Variants in DNAJC5B observed in about 807,000 individuals in gnomAD.
The protein encoded by DNAJC5B is dnaJ homolog subfamily C member 5B.
In DNAJC5B, 23 loss-of-function variants were observed where a neutral mutation model predicts 24.7. The observed-to-expected ratio is 0.93, with a 90% confidence interval of 0.67 to 1.32. The LOEUF is 1.32. Among genes scored for constraint, DNAJC5B ranks in the 40% most tolerant of loss-of-function variants. DNAJC5B has a pLI of 0.00. For synonymous variants in DNAJC5B, 101 were observed against 90.1 expected, an observed-to-expected ratio of 1.12 and a Z score of -0.68; for missense variants, 238 against 240.8, an observed-to-expected ratio of 0.99 and a Z score of 0.08.
chr8:66,090,813 A>T (rs1273141208), intron 5 of DNAJC5B, among the ~76,000 whole-genome samples: 1 of 152,110 alleles, frequency 6.6e-6, no homozygotes, highest in African/African-American at 2.4e-5. Context: ...CCTTTTTGCC[A>T]CTCACCACTC....
intron 3 of DNAJC5B, among the ~76,000 whole-genome samples, chr8:66,062,599 G>T (rs757460082): frequency 1.3e-5 from 2 of 152,176 alleles, no homozygotes; most frequent in African/African-American, 2.4e-5. Flanking sequence ...GGGTGCAAGA[G>T]CCTAACAAAA....
upstream of DNAJC5B, among the ~76,000 whole-genome samples, chr8:66,017,653 A>G (rs994767142): frequency 1.3e-5 from 2 of 152,294 alleles, no homozygotes; most frequent in African/African-American, 4.8e-5. Flanking sequence ...TGCCTTACCT[A>G]TTTTGTAGGT....
intron 5 of DNAJC5B, among the ~76,000 whole-genome samples, chr8:66,095,764 C>A (rs1807939974): frequency 1.3e-5 from 2 of 150,760 alleles, no homozygotes; most frequent in African/African-American, 2.4e-5. Flanking sequence ...ATGATTTTTT[C>A]TTTAAGCTAG....
chr8:66,065,820 G>A (rs76589119), intron 3 of DNAJC5B, among the ~76,000 whole-genome samples: 4,531 of 152,258 alleles, frequency 0.03, 85 homozygotes, highest in Non-Finnish European at 0.045. Flanking sequence ...AGAGGAGGGT[G>A]AGGGAACTTC....
chr8:66,053,565 C>T (rs2128960151), intron 3 of DNAJC5B, among the ~76,000 whole-genome samples: 1 of 149,718 alleles, frequency 6.7e-6, no homozygotes, highest in East Asian at 2.0e-4. Context: ...TCCTTCTAGT[C>T]TTTTTTTTTC....
At chr8:66,048,913 A>G (rs964169560) in intron 2 of DNAJC5B, among the ~76,000 whole-genome samples, 8 of 152,166 alleles carry the variant, frequency 5.3e-5, no homozygotes, top group African/African-American at 1.9e-4. Flanking sequence ...TGTGCCAAGC[A>G]CAAAGCGAGG....
intron 5 of DNAJC5B, among the ~76,000 whole-genome samples, chr8:66,083,213 G>A (rs1375908439): frequency 4.6e-5 from 7 of 151,608 alleles, no homozygotes; most frequent in East Asian, 1.9e-4. Flanking sequence ...GGGTTTCACC[G>A]TATTAGCCAG....
chr8:66,031,814 CTGATTCAAA>C (rs1170247376), intron 1 of DNAJC5B, among the ~76,000 whole-genome samples: 13 of 152,330 alleles, frequency 8.5e-5, no homozygotes, highest in East Asian at 7.7e-4. Flanking sequence ...ACTCAGTCAA[CTGATTCAAA>C]TGATTCAAAT....
In DNAJC5B at chr8:66,100,197, A is replaced by G. The variant is rs1483511482; in HGVS notation, c.*166A>G. ...GCTATATAATTTTCTCAGTATGCAG[A>G]CTTTCTCTCTGAGTAGAATTTCTTA... On this transcript the variant is annotated 3_prime_UTR_variant, in exon 6 of 6. Transcript: ENST00000276570. 4 of 572,456 alleles carry G rather than the reference A, an allele frequency of 7.0e-6. No individual in the cohort carries two copies. The highest frequency in any genetic ancestry group is 2.9e-5 in the East Asian group (1 of 34,422). 35.5% of individuals were successfully genotyped at this position (572,456 alleles called of 1,614,324 possible).
intron 5 of DNAJC5B, among the ~76,000 whole-genome samples, chr8:66,092,589 T>A (rs1401290637): frequency 1.3e-5 from 2 of 152,170 alleles, no homozygotes; most frequent in Non-Finnish European, 2.9e-5. Context: ...AAAAGAATGT[T>A]ACCATCACCT....
intron 2 of DNAJC5B, among the ~76,000 whole-genome samples, chr8:66,044,238 T>C (rs796752876): frequency 2.0e-5 from 3 of 152,278 alleles, no homozygotes; most frequent in African/African-American, 7.2e-5. Flanking sequence ...CTTATGGGAA[T>C]TTTGCTCCAC....
intron 1 of DNAJC5B, among the ~76,000 whole-genome samples, chr8:66,032,792 G>A (rs141237231): frequency 1.3e-5 from 2 of 152,270 alleles, no homozygotes; most frequent in African/African-American, 4.8e-5. Flanking sequence ...ATACATTGCT[G>A]TTCCTCATTT....
At chr8:66,043,821 C>CTT (rs11449089) in intron 2 of DNAJC5B, among the ~76,000 whole-genome samples, 5,088 of 130,588 alleles carry the variant, frequency 0.039, 394 homozygotes, top group African/African-American at 0.15. Flanking sequence ...TGAAAAGAAC[C>CTT]TTTTTTTTTT....
At chr8:66,098,975 G>GTC (rs889378643) in intron 5 of DNAJC5B, among the ~76,000 whole-genome samples, 3 of 149,904 alleles carry the variant, frequency 2.0e-5, no homozygotes, top group African/African-American at 7.4e-5. Flanking sequence ...TGTAATCTCT[G>GTC]TCTCTCTGTC....
intron 3 of DNAJC5B, among the ~76,000 whole-genome samples, chr8:66,067,242 A>C (rs1807241177): frequency 6.7e-6 from 1 of 148,698 alleles, no homozygotes; most frequent in South Asian, 2.2e-4. Context: ...TTGCGAGTAA[A>C]GAATTACTGC....
chr8:66,077,353 A>G (rs1321484788), intron 4 of DNAJC5B, among the ~76,000 whole-genome samples: 1 of 152,120 alleles, frequency 6.6e-6, no homozygotes, highest in Non-Finnish European at 1.5e-5. Context: ...TAGGGGGAAA[A>G]GGTGAGAATT....
At chr8:66,033,568 G>A (rs1418476714) in intron 1 of DNAJC5B, among the ~76,000 whole-genome samples, 1 of 152,132 alleles carries the variant, frequency 6.6e-6, no homozygotes, top group Non-Finnish European at 1.5e-5. Context: ...GCTTCCATGG[G>A]ATGATGTTTC....
intron 5 of DNAJC5B, among the ~76,000 whole-genome samples, chr8:66,086,029 C>A (rs1807716921): frequency 6.6e-6 from 1 of 152,102 alleles, no homozygotes; most frequent in Non-Finnish European, 1.5e-5. Flanking sequence ...AAATGGGTAC[C>A]TAAGTATTTC....
Position 66,083,965 on chromosome 8 carries a change from C to G in DNAJC5B, c.505+3417C>G, listed in dbSNP as rs192822761. 3.3e-4 allele frequency among the ~76,000 whole-genome samples: 51 copies of G among 152,258 alleles called. 1 individual carries two copies. Among genetic ancestry groups the G allele is most frequent in the African/African-American group, 1.2e-3 (49 of 41,554 alleles). On this transcript the variant is annotated intron_variant, in intron 5 of 5. Coordinates refer to ENST00000276570, the MANE Select transcript of DNAJC5B (RefSeq NM_033105.6). ...CAAATAACACAAAATGTGAACACAT[C>G]GTTAGGGCCCCAACAGGCCCTTGGA...
Sources: gnomAD v4.1 joint callset for allele counts (sites outside exome capture counted in the v4.1 genomes callset) on GRCh38, gnomAD v4.1.1 for gene constraint, MANE v1.5 for transcripts, NCBI Gene and HGNC (gene_info 2026-07-23, HGNC 2026-07-21) for gene names.